Variants in ZNF503 observed in about 807,000 individuals in gnomAD.
ZNF503 encodes NocA-like zinc finger 2.
A neutral mutation model predicts 34.4 loss-of-function variants in ZNF503; 15 were observed. The ratio of observed to expected loss-of-function variants is 0.44; its 90% CI spans 0.29 to 0.67. The LOEUF (loss-of-function observed/expected upper bound fraction) is 0.67. Among genes scored for constraint, ZNF503 ranks in the 30% least tolerant of loss-of-function variants. The pLI, the probability that ZNF503 is intolerant of heterozygous loss-of-function variation, is 0.13. For synonymous variants in ZNF503, 580 were observed against 456.8 expected, an observed-to-expected ratio of 1.27 and a Z score of -3.44; for missense variants, 1,007 against 926.8, an observed-to-expected ratio of 1.09 and a Z score of -1.12.
chr10:75,287,328 A>G, the ZNF503 span, among the ~76,000 whole-genome samples: 10 of 151,942 alleles, frequency 6.6e-5, no homozygotes, highest in Non-Finnish European at 1.0e-4. Context: ...TCTCCCCTAC[A>G]ATATCTGAAC....
the ZNF503 span, among the ~76,000 whole-genome samples, chr10:75,304,773 G>T: frequency 1.3e-5 from 2 of 152,102 alleles, no homozygotes; most frequent in Admixed American, 1.3e-4. Context: ...AACTAGAAAA[G>T]ATTGGAGAAA....
At chr10:75,400,986 C>A in intron 1 of ZNF503, 119 bp downstream of exon 1, 1 of 1,424,728 alleles carries the variant, frequency 7.0e-7, no homozygotes, top group Non-Finnish European at 9.5e-7. Context: ...GCCTCTTCCC[C>A]CATTCGGGAG....
At chr10:75,323,991 C>CA in the ZNF503 span, among the ~76,000 whole-genome samples, 2,421 of 41,066 alleles carry the variant, frequency 0.059, 45 homozygotes, top group Non-Finnish European at 0.09. Flanking sequence ...AACTCCGTCT[C>CA]AAAAAAAAAA....
the ZNF503 span, among the ~76,000 whole-genome samples, chr10:75,381,824 T>TTTTTTTTTTTTTTTTTTTTTTTTTTTTC: frequency 7.8e-6 from 1 of 128,816 alleles, no homozygotes; most frequent in Non-Finnish European, 1.7e-5. Context: ...TTTTTTTTTT[T>TTTTTTTTTTTTTTTTTTTTTTTTTTTTC]TTTTTTTTTT....
the ZNF503 span, among the ~76,000 whole-genome samples, chr10:75,287,831 G>A: frequency 6.6e-6 from 1 of 152,186 alleles, no homozygotes; most frequent in South Asian, 2.1e-4. Flanking sequence ...CTATCCCTGA[G>A]TCTAGTTGCA....
the ZNF503 span, among the ~76,000 whole-genome samples, chr10:75,319,827 G>A: frequency 2.0e-5 from 3 of 152,268 alleles, no homozygotes; most frequent in South Asian, 6.2e-4. Flanking sequence ...TCACAAGAGA[G>A]CATGTGTAAC....
At chr10:75,325,449 T>C in the ZNF503 span, among the ~76,000 whole-genome samples, 3 of 152,172 alleles carry the variant, frequency 2.0e-5, no homozygotes, top group Non-Finnish European at 4.4e-5. Flanking sequence ...TGCCTTAGCC[T>C]TTTAAGTAGC....
At chr10:75,367,376 T>C in the ZNF503 span, among the ~76,000 whole-genome samples, 1 of 152,194 alleles carries the variant, frequency 6.6e-6, no homozygotes, top group Non-Finnish European at 1.5e-5. Context: ...TAATTAAAAA[T>C]GATCTGGTTA....
At chr10:75,297,149 CT>C in the ZNF503 span, among the ~76,000 whole-genome samples, 1 of 152,130 alleles carries the variant, frequency 6.6e-6, no homozygotes, top group Non-Finnish European at 1.5e-5. Flanking sequence ...CTATCCTACT[CT>C]CCTGTATTCT....
the ZNF503 span, among the ~76,000 whole-genome samples, chr10:75,318,968 T>C: frequency 4.0e-5 from 6 of 151,876 alleles, no homozygotes; most frequent in African/African-American, 1.5e-4. Flanking sequence ...CTCTTTCTTA[T>C]TTCTTTTTCA....
chr10:75,354,483 CAGG>C, the ZNF503 span, among the ~76,000 whole-genome samples: 4 of 151,970 alleles, frequency 2.6e-5, no homozygotes, highest in African/African-American at 9.7e-5. Flanking sequence ...GAGGCTGAGG[CAGG>C]AGGATTGCTT....
the ZNF503 span, among the ~76,000 whole-genome samples, chr10:75,333,272 C>G: frequency 1.1e-5 from 1 of 89,112 alleles, no homozygotes; most frequent in Non-Finnish European, 2.3e-5. Flanking sequence ...GGCGGCTGGC[C>G]GGGCGGGGGG....
chr10:75,350,046 G>C, the ZNF503 span, among the ~76,000 whole-genome samples: 1 of 152,212 alleles, frequency 6.6e-6, no homozygotes. Context: ...TTTTAGAACA[G>C]TGCATACTGC....
the ZNF503 span, among the ~76,000 whole-genome samples, chr10:75,292,386 C>G: frequency 6.6e-6 from 1 of 152,290 alleles, no homozygotes; most frequent in South Asian, 2.1e-4. Context: ...GAAGGCCAAG[C>G]ATGGAGTGGG....
the ZNF503 span, among the ~76,000 whole-genome samples, chr10:75,300,678 A>G: frequency 6.6e-6 from 1 of 150,454 alleles, no homozygotes; most frequent in Non-Finnish European, 1.5e-5. Context: ...TTCCCGCAAC[A>G]TCTAATAACA....
chr10:75,394,263 T>G (rs1252745663), downstream of ZNF503, among the ~76,000 whole-genome samples: 2 of 152,350 alleles, frequency 1.3e-5, no homozygotes, highest in South Asian at 4.1e-4. Flanking sequence ...AGTCTAGTAA[T>G]GGGGTGAAGA....
chr10:75,334,019 T>G, the ZNF503 span, among the ~76,000 whole-genome samples: 1 of 115,464 alleles, frequency 8.7e-6, no homozygotes, highest in African/African-American at 3.6e-5. Flanking sequence ...CTAGATGGGA[T>G]GGCGGCCGGG....
the ZNF503 span, among the ~76,000 whole-genome samples, chr10:75,321,660 G>C: frequency 3.1e-4 from 47 of 152,328 alleles, no homozygotes; most frequent in Admixed American, 7.2e-4. Flanking sequence ...CTGCCCTAGG[G>C]ATCTTTGGAA....
At chr10:75,326,462 T>C in the ZNF503 span, among the ~76,000 whole-genome samples, 1 of 152,188 alleles carries the variant, frequency 6.6e-6, no homozygotes, top group Non-Finnish European at 1.5e-5. Flanking sequence ...TTATTTTCCA[T>C]TTATTTTGGG....
Sources: gnomAD v4.1 joint callset for allele counts (sites outside exome capture counted in the v4.1 genomes callset) on GRCh38, gnomAD v4.1.1 for gene constraint, MANE v1.5 for transcripts, NCBI Gene and HGNC (gene_info 2026-07-23, HGNC 2026-07-21) for gene names.